RELCH: variants seen among roughly 807,000 people sequenced by gnomAD.
The protein encoded by RELCH is RAB11 binding and LisH domain, coiled-coil and HEAT repeat containing, also known as RAB11-binding protein RELCH.
Under a neutral mutation model 150.3 loss-of-function variants are expected in RELCH, and 41 were observed. The observed-to-expected ratio is 0.27, with a 90% confidence interval of 0.21 to 0.35. The LOEUF (loss-of-function observed/expected upper bound fraction) is 0.35, where lower values mean the gene tolerates loss of function less well. Ranked by LOEUF, RELCH falls within the 10% of genes least tolerant of loss-of-function variation. The pLI is 1.00. For missense variants in RELCH, 1,092 were observed against 1,467.8 expected, an observed-to-expected ratio of 0.74 and a Z score of 4.18; for synonymous variants, 478 against 531.8, an observed-to-expected ratio of 0.90 and a Z score of 1.39.
At chr18:62,297,063 A>G (rs1268295896) in intron 27 of RELCH, among the ~76,000 whole-genome samples, 2 of 152,236 alleles carry the variant, frequency 1.3e-5, no homozygotes, top group Non-Finnish European at 2.9e-5. Flanking sequence ...GGAATAATTT[A>G]AAGACTTTAA....
At chr18:62,245,437 A>G (rs971980971) in intron 11 of RELCH, among the ~76,000 whole-genome samples, 7 of 152,178 alleles carry the variant, frequency 4.6e-5, no homozygotes, top group African/African-American at 1.7e-4. Flanking sequence ...CAGCCTGGTC[A>G]ACATGGTGAA....
At chr18:62,239,468 G>C (rs1015216549) in intron 10 of RELCH, among the ~76,000 whole-genome samples, 1 of 151,912 alleles carries the variant, frequency 6.6e-6, no homozygotes, top group Non-Finnish European at 1.5e-5. Flanking sequence ...ACCAACAAAG[G>C]CTCACAGATA....
intron 13 of RELCH, among the ~76,000 whole-genome samples, chr18:62,257,185 G>T (rs1313873228): frequency 6.6e-6 from 1 of 151,984 alleles, no homozygotes; most frequent in African/African-American, 2.4e-5. Flanking sequence ...AGTAGGAGAG[G>T]AGGAGCATGA....
intron 2 of RELCH, among the ~76,000 whole-genome samples, chr18:62,219,325 C>CTTTTTTTTTT (rs202196452): frequency 5.4e-4 from 61 of 112,842 alleles, no homozygotes; most frequent in South Asian, 1.5e-3. Context: ...TTCTTTTTTT[C>CTTTTTTTTTT]TTTTTTTTTT....
chr18:62,258,525 T>C lies in RELCH; in HGVS notation c.2051T>C (p.Leu684Ser). ...PDKYHQGFEL[L>S]LSALGDPSER... ...TCTCATTGACAGGGTTTTGAATTGT[T>C]GCTGTCAGCCTTGGGTGATCCCTCA... The change falls in exon 15 of 29, where the codon TTG becomes TCG. Residue 684 changes from leucine to serine, a missense_variant. Transcript: ENST00000644646. 1 of 1,606,612 alleles carries C rather than the reference T, an allele frequency of 6.2e-7. No individual in the cohort carries two copies.
At chr18:62,191,188 C>A (rs2038608570) in intron 1 of RELCH, among the ~76,000 whole-genome samples, 2 of 152,170 alleles carry the variant, frequency 1.3e-5, no homozygotes, top group African/African-American at 4.8e-5. Context: ...AAACTGTTTT[C>A]CAAAATGGAC....
At chr18:62,258,123 T>G in intron 14 of RELCH, 35 bp downstream of exon 14, 1 of 1,522,196 alleles carries the variant, frequency 6.6e-7, no homozygotes, top group Non-Finnish European at 9.0e-7. Flanking sequence ...TTTACTCCAT[T>G]ATAAAATTCC....
At chr18:62,268,101 A>T (rs1408746280) in intron 19 of RELCH, among the ~76,000 whole-genome samples, 1 of 152,102 alleles carries the variant, frequency 6.6e-6, no homozygotes, top group African/African-American at 2.4e-5. Context: ...ATTTAAAGCC[A>T]TATAAAAAAT....
chr18:62,291,932 A>C (rs180892077), intron 27 of RELCH, among the ~76,000 whole-genome samples: 23 of 152,254 alleles, frequency 1.5e-4, no homozygotes, highest in Admixed American at 3.3e-4. Flanking sequence ...CTGACCATCA[A>C]CTTTCTTAAG....
At chr18:62,227,208 G>T in intron 5 of RELCH, 81 bp from the exon 6 acceptor site, 5 of 876,222 alleles carry the variant, frequency 5.7e-6, no homozygotes, top group Non-Finnish European at 8.7e-6. Flanking sequence ...AAAAAAAAAA[G>T]ATATTAGCAA....
intron 28 of RELCH, among the ~76,000 whole-genome samples, chr18:62,303,608 G>A (rs2045761406): frequency 6.6e-6 from 1 of 152,162 alleles, no homozygotes; most frequent in South Asian, 2.1e-4. Flanking sequence ...GAAGAGCACT[G>A]AAAAGCTAGA....
chr18:62,202,559 G>T (rs2039521597), intron 1 of RELCH, among the ~76,000 whole-genome samples: 1 of 151,996 alleles, frequency 6.6e-6, no homozygotes, highest in Non-Finnish European at 1.5e-5. Flanking sequence ...CTTGGAACTA[G>T]AAAAAATTAG....
chr18:62,282,575 CTTGTGT>C (rs1248178996), intron 25 of RELCH, 131 bp downstream of exon 25: 18 of 759,034 alleles, frequency 2.4e-5, no homozygotes, highest in Non-Finnish European at 3.4e-5. Flanking sequence ...TACTGAAAGC[CTTGTGT>C]ACTCTTGTGT....
chr18:62,291,398 C>A, intron 26 of RELCH, 145 bp from the exon 27 acceptor site: 1 of 491,206 alleles, frequency 2.0e-6, no homozygotes. Context: ...AGGATTCATG[C>A]TTGAGGGGAG....
At position 62,296,313 on chromosome 18, in the gene RELCH, C is replaced by T. The variant is rs147876738; in HGVS notation, c.3460-2477C>T. Among the ~76,000 whole-genome samples, 322 of 152,242 alleles carry T rather than the reference C, an allele frequency of 2.1e-3. 2 individuals are homozygous for T. Among genetic ancestry groups the T allele is most frequent in the African/African-American group, 7.3e-3 (302 of 41,554 alleles). ...TTGAAAGTTACAATTGGCAGCCAGG[C>T]GTGGTGGCCCACGCCTGTAATCCCA... On this transcript the variant is annotated intron_variant, in intron 27 of 28. Transcript: ENST00000644646.
intron 2 of RELCH, among the ~76,000 whole-genome samples, chr18:62,211,937 G>A (rs1341722623): frequency 6.6e-6 from 1 of 152,164 alleles, no homozygotes; most frequent in African/African-American, 2.4e-5. Context: ...GTTAAAGAGG[G>A]TTAATGATTG....
intron 1 of RELCH, among the ~76,000 whole-genome samples, chr18:62,210,583 C>A (rs984199762): frequency 6.6e-6 from 1 of 152,124 alleles, no homozygotes; most frequent in Non-Finnish European, 1.5e-5. Flanking sequence ...ATATTAACTC[C>A]TTTCGTTTAT....
At chr18:62,198,319 C>A (rs1298689201) in intron 1 of RELCH, among the ~76,000 whole-genome samples, 4 of 152,184 alleles carry the variant, frequency 2.6e-5, no homozygotes, top group East Asian at 1.9e-4. Flanking sequence ...TTTTTTTAAT[C>A]TTCAGGGTTT....
At chr18:62,197,500 C>CTAAAATACATTCTTGTCTAAA (rs1462970435) in intron 1 of RELCH, among the ~76,000 whole-genome samples, 26 of 152,238 alleles carry the variant, frequency 1.7e-4, no homozygotes, top group Non-Finnish European at 2.6e-4. Flanking sequence ...TAAAAATACA[C>CTAAAATACATTCTTGTCTAAA]AATACTTATA....
Sources: gnomAD v4.1 joint callset for allele counts (sites outside exome capture counted in the v4.1 genomes callset) on GRCh38, gnomAD v4.1.1 for gene constraint, MANE v1.5 for transcripts, NCBI Gene and HGNC (gene_info 2026-07-23, HGNC 2026-07-21) for gene names.